Variants in RSRP1 observed in about 807,000 individuals in gnomAD.
RSRP1 encodes arginine and serine rich protein 1.
Under a neutral mutation model 33.0 loss-of-function variants are expected in RSRP1, and 37 were observed. The ratio of observed to expected loss-of-function variants is 1.12; its 90% CI spans 0.86 to 1.48. The LOEUF is 1.48. RSRP1 is among the 40% of genes most tolerant of loss of function. The pLI is 0.00. For missense variants in RSRP1, 402 were observed against 385.3 expected, an observed-to-expected ratio of 1.04 and a Z score of -0.36; for synonymous variants, 167 against 158.7, an observed-to-expected ratio of 1.05 and a Z score of -0.40.
intron 1 of RSRP1, chr1:25,328,966 A>G (rs1247110658): frequency 7.4e-7 from 1 of 1,354,596 alleles, no homozygotes; most frequent in East Asian, 2.3e-5. Context: ...CAAAAACAAG[A>G]CAACTTCCTC....
chr1:25,281,515 C>T (rs1363840821), intron 1 of RSRP1, among the ~76,000 whole-genome samples: 4 of 131,980 alleles, frequency 3.0e-5, no homozygotes, highest in African/African-American at 1.0e-4. Context: ...TGAAGTGGGG[C>T]ATGCAGTCTC....
At chr1:25,249,175 C>G (rs1203604584), upstream of RSRP1, among the ~76,000 whole-genome samples, 1 of 151,978 alleles carries the variant, frequency 6.6e-6, no homozygotes, top group African/African-American at 2.4e-5. Context: ...AATAACAACA[C>G]GAGTTTCACA....
chr1:25,279,952 G>C (rs567056127), intron 1 of RSRP1, among the ~76,000 whole-genome samples: 1 of 129,302 alleles, frequency 7.7e-6, no homozygotes, highest in East Asian at 2.0e-4. Context: ...GCTGATACCA[G>C]TGAGGATGCT....
rs1645045969 is a variant in RSRP1, at chr1:25,333,770, T to C, written c.-67+4208A>G. Reference sequence around the variant, plus strand: ...GAAAGGCAATGAGGAGCAAGTCACGTCTTACGTGGATGGCAGGCAAAGACA... The same window carrying C: ...GAAAGGCAATGAGGAGCAAGTCACGCCTTACGTGGATGGCAGGCAAAGACA... On this transcript the variant is annotated intron_variant, in intron 1 of 1. Transcript: ENST00000561867. Among the ~76,000 whole-genome samples the C allele has an allele frequency of 1.5e-5, 2 of 129,450 alleles. 1 individual carries two copies. The highest frequency in any genetic ancestry group is 4.7e-4 in the South Asian group (2 of 4,238). The allele number at this position is 129,450 out of a possible 152,430, so 84.9% of individuals were successfully genotyped here.
At chr1:25,296,991 A>T (rs1363275610) in intron 1 of RSRP1, among the ~76,000 whole-genome samples, 1 of 131,792 alleles carries the variant, frequency 7.6e-6, no homozygotes, top group Non-Finnish European at 1.8e-5. Flanking sequence ...AAAAATGAGA[A>T]ATTGACATTG....
In RSRP1 at chr1:25,252,680, C is replaced by G. The variant is rs190742637; in HGVS notation, c.-66-5651G>C. 4.6e-3 allele frequency among the ~76,000 whole-genome samples: 707 copies of G among 152,194 alleles called. 2 individuals are homozygous for G. The highest frequency in any genetic ancestry group is 0.016 in the African/African-American group (667 of 41,530). On this transcript the variant is annotated intron_variant, in intron 1 of 1. Coordinates refer to the RSRP1 transcript ENST00000561867. ...TCCTGAGTAGCTGGGATTACAGGCG[C>G]CAGCAACTACGCCCAGCTAATTTTT...
chr1:25,295,896 G>A (rs1236571491), intron 1 of RSRP1, among the ~76,000 whole-genome samples: 1 of 90,212 alleles, frequency 1.1e-5, no homozygotes, highest in Non-Finnish European at 2.3e-5. Context: ...GAGTTTCGCT[G>A]TTGTCATCCA....
chr1:25,336,774 C>T (rs1210299282), intron 1 of RSRP1, among the ~76,000 whole-genome samples: 1 of 151,362 alleles, frequency 6.6e-6, no homozygotes, highest in African/African-American at 2.5e-5. Flanking sequence ...CACTAGATTC[C>T]TCCACCCTGA....
intron 1 of RSRP1, among the ~76,000 whole-genome samples, chr1:25,332,925 A>C (rs1470520141): frequency 7.6e-6 from 1 of 131,884 alleles, no homozygotes; most frequent in East Asian, 2.0e-4. Context: ...AGACCCAGGG[A>C]TACTGGTAGC....
At chr1:25,247,162 C>T in intron 1 of RSRP1, 133 bp from the exon 2 acceptor site, 1 of 545,230 alleles carries the variant, frequency 1.8e-6, no homozygotes, top group Admixed American at 3.6e-5. Flanking sequence ...GGAACCGAGC[C>T]CTAGAAACCC....
At chr1:25,260,031 T>C (rs28558784) in intron 1 of RSRP1, among the ~76,000 whole-genome samples, 2,760 of 152,182 alleles carry the variant, frequency 0.018, 77 homozygotes, top group African/African-American at 0.061. Flanking sequence ...TTGTTTTCTA[T>C]TGCTATGTGT....
chr1:25,269,907 G>A lies in RSRP1; in HGVS notation c.-66-22878C>T, dbSNP rs1640441806. Among the ~76,000 whole-genome samples the A allele has an allele frequency of 1.5e-5, 2 of 132,176 alleles. 1 individual carries two copies. The highest frequency in any genetic ancestry group is 4.6e-4 in the South Asian group (2 of 4,308). The allele number at this position is 132,176 out of a possible 152,430, so 86.7% of individuals were successfully genotyped here. A position where few individuals can be genotyped will look rare whatever the true frequency, so the allele number is the denominator to read the frequency against. The stretch of plus-strand genomic sequence containing the variant: ...TGCCTTGGAACCAACCACCACCCAC[G>A]CCGTTTGCCAGCTGGTAAACATGCC... On this transcript the variant is annotated intron_variant, in intron 1 of 1. Transcript: ENST00000561867.
At position 25,246,537 on chromosome 1, in the gene RSRP1, C is replaced by G; in HGVS notation, c.427G>C (p.Gly143Arg). The change falls in exon 2 of 5, where the codon GGT becomes CGT. Residue 143 changes from glycine to arginine, a missense_variant. Transcript: ENST00000243189. ...IARGQRYYGF[G>R]RTVYPEEHSR... Reference sequence around the variant, plus strand: ...TGCTCCTCCGGGTACACTGTGCGACCAAAGCCGTAGTAGCGCTGTCCCCGC... The same window carrying G: ...TGCTCCTCCGGGTACACTGTGCGACGAAAGCCGTAGTAGCGCTGTCCCCGC... 1.1e-5 allele frequency: 18 copies of G among 1,614,250 alleles called. No individual in the cohort carries two copies. Among genetic ancestry groups the G allele is most frequent in the Admixed American group, 1.7e-5 (1 of 60,032 alleles).
At chr1:25,321,006 T>C (rs1408639897) in intron 1 of RSRP1, among the ~76,000 whole-genome samples, 1 of 131,340 alleles carries the variant, frequency 7.6e-6, no homozygotes, top group East Asian at 2.0e-4. Context: ...ATTGTGCCAC[T>C]GCACTCCAGC....
chr1:25,299,093 A>AC (rs1386536859), intron 1 of RSRP1, among the ~76,000 whole-genome samples: 1 of 126,550 alleles, frequency 7.9e-6, no homozygotes, highest in African/African-American at 2.7e-5. Flanking sequence ...AAAAAAAAAA[A>AC]AAAACAGGCT....
chr1:25,334,162 A>G (rs1401159084), intron 1 of RSRP1, among the ~76,000 whole-genome samples: 14 of 132,194 alleles, frequency 1.1e-4, no homozygotes, highest in East Asian at 3.9e-4. Flanking sequence ...AAGCAAGTTA[A>G]TTACTTCCTA....
rs1419037318 is a variant in RSRP1 at position 25,316,501 on chromosome 1, T to C, written c.-67+21477A>G. On this transcript the variant is annotated intron_variant, in intron 1 of 1. Transcript: ENST00000561867. The stretch of plus-strand genomic sequence containing the variant: ...CAGGTATGGTGGCGCATGCCTGTAG[T>C]CCCAGCTACTTGAGGCACAAGAATC... Among the ~76,000 whole-genome samples, 2 of 116,168 alleles carry C rather than the reference T, an allele frequency of 1.7e-5. 1 individual carries two copies. Among genetic ancestry groups the C allele is most frequent in the African/African-American group, 5.8e-5 (2 of 34,540 alleles). 76.2% of individuals were successfully genotyped at this position (116,168 alleles called of 152,430 possible). A position where few individuals can be genotyped will look rare whatever the true frequency, so the allele number is the denominator to read the frequency against.
intron 1 of RSRP1, chr1:25,301,039 G>A (rs2124674106): frequency 7.3e-7 from 1 of 1,377,902 alleles, no homozygotes. Flanking sequence ...TCTACCCGAG[G>A]GAACGGAGGA....
chr1:25,247,103 G>C (rs779176248), intron 1 of RSRP1, 74 bp from the exon 2 acceptor site: 1 of 923,350 alleles, frequency 1.1e-6, no homozygotes. Flanking sequence ...CCACAGTCGG[G>C]GAACCTCCGG....
Sources: gnomAD v4.1 joint callset for allele counts (sites outside exome capture counted in the v4.1 genomes callset) on GRCh38, gnomAD v4.1.1 for gene constraint, MANE v1.5 for transcripts, NCBI Gene and HGNC (gene_info 2026-07-23, HGNC 2026-07-21) for gene names.